GPC6: variants seen among roughly 807,000 people sequenced by gnomAD.
GPC6 encodes glypican-6.
GPC6 carries 14 observed loss-of-function variants against 55.2 expected under a neutral mutation model. That is an observed-to-expected ratio of 0.25 (90% confidence interval 0.17 to 0.40). GPC6 has a LOEUF of 0.40. GPC6 is among the 10% of genes least tolerant of loss of function. The pLI, the probability that GPC6 is intolerant of heterozygous loss-of-function variation, is 1.00. For synonymous variants in GPC6, 278 were observed against 259.6 expected, an observed-to-expected ratio of 1.07 and a Z score of -0.68; for missense variants, 641 against 708.5, an observed-to-expected ratio of 0.90 and a Z score of 1.08.
Position 93,804,392 on chromosome 13 carries a change from T to C in GPC6, c.320-25762T>C, listed in dbSNP as rs1373659894. On this transcript the variant is annotated intron_variant, in intron 2 of 8. Coordinates refer to ENST00000377047, the MANE Select transcript of GPC6 (RefSeq NM_005708.5). ...TTACATATGTACATGACCTAAAATT[T>C]ATTTTATTGATTTGCTTCAAGAATG... Among the ~76,000 whole-genome samples the C allele has an allele frequency of 2.0e-5, 3 of 152,326 alleles. No individual in the cohort carries two copies. The East Asian group carries it at 5.8e-4, about 29-fold the overall frequency.
chr13:94,062,171 G>T (rs1400177037), intron 4 of GPC6, among the ~76,000 whole-genome samples: 1 of 152,124 alleles, frequency 6.6e-6, no homozygotes, highest in Admixed American at 6.5e-5. Context: ...GAAACTTACA[G>T]TAGCAAAATT....
At chr13:93,793,560 G>A (rs1398383060) in intron 2 of GPC6, among the ~76,000 whole-genome samples, 1 of 151,868 alleles carries the variant, frequency 6.6e-6, no homozygotes, top group African/African-American at 2.4e-5. Flanking sequence ...ATTGTGCTGA[G>A]GGCTAGTGCA....
intron 4 of GPC6, among the ~76,000 whole-genome samples, chr13:94,125,341 A>T (rs1886771314): frequency 6.6e-6 from 1 of 152,120 alleles, no homozygotes; most frequent in African/African-American, 2.4e-5. Flanking sequence ...TACAATCTAG[A>T]TGCTTTAAGT....
At chr13:93,658,587 A>C (rs1368235114) in intron 2 of GPC6, among the ~76,000 whole-genome samples, 1 of 151,312 alleles carries the variant, frequency 6.6e-6, no homozygotes. Flanking sequence ...TATTTTTTTT[A>C]TTTTTTACCC....
At chr13:94,347,868 A>G (rs548062454) in intron 6 of GPC6, among the ~76,000 whole-genome samples, 3 of 152,338 alleles carry the variant, frequency 2.0e-5, no homozygotes, top group South Asian at 4.1e-4. Context: ...GTGAAACCTG[A>G]AGAGGCCCGT....
chr13:94,278,028 G>C (rs1056656244), intron 4 of GPC6, among the ~76,000 whole-genome samples: 2 of 152,176 alleles, frequency 1.3e-5, no homozygotes, highest in African/African-American at 4.8e-5. Context: ...ACTGTGGGCA[G>C]TATGGCCATT....
chr13:93,911,378 C>T (rs139700375), intron 3 of GPC6, among the ~76,000 whole-genome samples: 41 of 150,978 alleles, frequency 2.7e-4, no homozygotes, highest in Middle Eastern at 3.4e-3. Flanking sequence ...CTTTATAGAA[C>T]GTAACTACCA....
intron 1 of GPC6, among the ~76,000 whole-genome samples, chr13:93,393,466 C>T (rs79931372): frequency 0.022 from 3,339 of 151,906 alleles, 140 homozygotes; most frequent in African/African-American, 0.077. Context: ...ATTTTGTGAC[C>T]CGTTTGAGAA....
intron 1 of GPC6, among the ~76,000 whole-genome samples, chr13:93,465,012 G>A (rs548703791): frequency 6.6e-6 from 1 of 152,296 alleles, no homozygotes; most frequent in East Asian, 1.9e-4. Flanking sequence ...TCAATGAGAA[G>A]TAATATTTTG....
intron 4 of GPC6, among the ~76,000 whole-genome samples, chr13:94,175,986 A>AGAGAGCGAGC (rs1555304130): frequency 1.5e-5 from 2 of 131,206 alleles, no homozygotes; most frequent in African/African-American, 5.6e-5. Flanking sequence ...AGAGAGAGAG[A>AGAGAGCGAGC]GAGAGAGCGA....
chr13:93,242,115 T>C lies in GPC6; in HGVS notation c.160+14499T>C, dbSNP rs573032132. 3.3e-5 allele frequency among the ~76,000 whole-genome samples: 5 copies of C among 152,304 alleles called. No individual in the cohort carries two copies. The East Asian group carries it at 9.7e-4, about 29-fold the overall frequency. On this transcript the variant is annotated intron_variant, in intron 1 of 8. Transcript: ENST00000377047. ...TATTTTTTCAGTGGGTTGAACAATT[T>C]AGTCTTCAGTTTAATTAGAGGTGTT... is the stretch of plus-strand genomic sequence containing the variant.
At chr13:93,539,061 C>A (rs998718566) in intron 1 of GPC6, among the ~76,000 whole-genome samples, 1 of 152,022 alleles carries the variant, frequency 6.6e-6, no homozygotes, top group Non-Finnish European at 1.5e-5. Flanking sequence ...GTATATCTCC[C>A]AATATTCTTT....
chr13:93,489,874 T>C (rs7320040), intron 1 of GPC6, among the ~76,000 whole-genome samples: 20,861 of 150,516 alleles, frequency 0.14, 1,139 homozygotes, highest in Non-Finnish European at 0.18. Flanking sequence ...TGGGCTGAGA[T>C]GATGGGGTTT....
chr13:93,659,235 G>A (rs756993419), intron 2 of GPC6, among the ~76,000 whole-genome samples: 3 of 151,712 alleles, frequency 2.0e-5, no homozygotes, highest in Non-Finnish European at 3.0e-5. Flanking sequence ...CTCTTTTTGT[G>A]GATTAGTTCC....
chr13:94,113,155 A>C (rs1168737674), intron 4 of GPC6, among the ~76,000 whole-genome samples: 1 of 152,162 alleles, frequency 6.6e-6, no homozygotes, highest in Admixed American at 6.6e-5. Flanking sequence ...CTGATGGAGC[A>C]GGTCACTTTT....
chr13:93,269,766 A>G (rs1369155266), intron 1 of GPC6, among the ~76,000 whole-genome samples: 2 of 109,264 alleles, frequency 1.8e-5, no homozygotes, highest in South Asian at 3.4e-4. Flanking sequence ...TCTACTAAAA[A>G]TACCAAAAAA....
At chr13:93,913,146 G>C (rs1315481434) in intron 3 of GPC6, among the ~76,000 whole-genome samples, 1 of 151,998 alleles carries the variant, frequency 6.6e-6, no homozygotes, top group Non-Finnish European at 1.5e-5. Flanking sequence ...TCATTTTGGG[G>C]GACACTATTC....
At chr13:94,302,561 T>G (rs1875710247) in intron 5 of GPC6, among the ~76,000 whole-genome samples, 1 of 152,244 alleles carries the variant, frequency 6.6e-6, no homozygotes, top group South Asian at 2.1e-4. Flanking sequence ...ATGATGGATA[T>G]ATGTTAAGGT....
chr13:93,567,562 A>T (rs944948231), intron 2 of GPC6, among the ~76,000 whole-genome samples: 8 of 151,878 alleles, frequency 5.3e-5, no homozygotes, highest in African/African-American at 1.9e-4. Context: ...TGACCTCATG[A>T]TCTGCCCGCC....
Sources: allele counts gnomAD v4.1 joint callset (sites outside exome capture counted in the v4.1 genomes callset), GRCh38; gene constraint gnomAD v4.1.1; transcripts MANE v1.5; gene names NCBI Gene and HGNC (gene_info 2026-07-23, HGNC 2026-07-21).